The following VPS35L variants were observed in gnomAD, a reference collection of about 807,000 sequenced individuals.
The protein encoded by VPS35L is VPS35 endosomal protein sorting factor like.
A neutral mutation model predicts 133.0 loss-of-function variants in VPS35L; 83 were observed. The observed-to-expected ratio is 0.62, with a 90% CI of 0.52 to 0.75. VPS35L has a LOEUF of 0.75. VPS35L is among the 30% of genes least tolerant of loss of function. The probability of loss-of-function intolerance (pLI) is 0.00; values close to 1 mark genes in which losing one functional copy is unlikely to be tolerated. For synonymous variants in VPS35L, 423 were observed against 449.9 expected, an observed-to-expected ratio of 0.94 and a Z score of 0.76; for missense variants, 1,083 against 1,206.8, an observed-to-expected ratio of 0.90 and a Z score of 1.52.
chr16:19,666,927 T>TCTTTCTTTCTTTCTTCCTTC (rs1974699235), intron 26 of VPS35L, among the ~76,000 whole-genome samples: 2 of 62,940 alleles, frequency 3.2e-5, no homozygotes, highest in African/African-American at 1.5e-4. Context: ...TTTCTTTCTT[T>TCTTTCTTTCTTTCTTCCTTC]CTTTCTTCCT....
intron 9 of VPS35L, among the ~76,000 whole-genome samples, chr16:19,606,445 A>G (rs1240526531): frequency 1.3e-5 from 2 of 152,192 alleles, no homozygotes; most frequent in African/African-American, 4.8e-5. Context: ...TGGAAAGGGG[A>G]AAATGGTCAT....
At chr16:19,663,015 GATAATA>G (rs1157465508) in intron 26 of VPS35L, among the ~76,000 whole-genome samples, 1 of 151,734 alleles carries the variant, frequency 6.6e-6, no homozygotes, top group Admixed American at 6.6e-5. Flanking sequence ...TAATTATAAT[GATAATA>G]ATAATAGGCC....
intron 27 of VPS35L, among the ~76,000 whole-genome samples, chr16:19,677,283 C>G (rs895523496): frequency 1.3e-5 from 2 of 152,006 alleles, no homozygotes; most frequent in Non-Finnish European, 2.9e-5. Context: ...TGGGGTTTCA[C>G]CATCTTGGCC....
At chr16:19,616,616 A>T in intron 13 of VPS35L, 70 bp from the exon 14 acceptor site, 5 of 1,554,724 alleles carry the variant, frequency 3.2e-6, no homozygotes, top group Non-Finnish European at 4.4e-6. Flanking sequence ...ACAGTCTGTG[A>T]GTTGTGTATG....
At chr16:19,606,102 G>A (rs547160895) in intron 9 of VPS35L, among the ~76,000 whole-genome samples, 12 of 152,306 alleles carry the variant, frequency 7.9e-5, no homozygotes, top group Non-Finnish European at 1.3e-4. Context: ...GCAGATTGTC[G>A]TATAGCTTGT....
chr16:19,620,097 G>C (rs1703245462), intron 14 of VPS35L, among the ~76,000 whole-genome samples: 1 of 152,112 alleles, frequency 6.6e-6, no homozygotes, highest in Non-Finnish European at 1.5e-5. Context: ...AAAAAATCAA[G>C]GCATGTCTTA....
intron 24 of VPS35L, 26 bp downstream of exon 24, chr16:19,647,908 TTC>T (rs1421019544): frequency 2.6e-6 from 4 of 1,533,342 alleles, no homozygotes; most frequent in Non-Finnish European, 3.6e-6. Context: ...CATTAGTTTC[TTC>T]TCTCAGTAAA....
At chr16:19,669,637 G>T (rs62024103) in intron 27 of VPS35L, among the ~76,000 whole-genome samples, 1 of 151,088 alleles carries the variant, frequency 6.6e-6, no homozygotes, top group Admixed American at 6.6e-5. Context: ...CCACTTCCAG[G>T]TTGCAGACAA....
Position 19,644,900 on chromosome 16 carries a change from A to G in VPS35L, c.1880A>G (p.Glu627Gly), listed in dbSNP as rs1311068901. ...MHDSVNALTLEDEKRMLSYLI... is the reference protein window; with the variant it reads ...MHDSVNALTLGDEKRMLSYLI... ...ATTGATTTTAGTGCACTCACTCTTG[A>G]GGATGAGAAAAGAATGCTGTCATAT... Residue 627 changes from glutamate (E) to glycine (G), a missense_variant, in exon 23 of 31, where the codon GAG becomes GGG. Transcript: ENST00000417362. 1.2e-5 allele frequency: 19 copies of G among 1,600,944 alleles called. No individual in the cohort carries two copies. The highest frequency in any genetic ancestry group is 1.6e-5 in the Non-Finnish European group (19 of 1,169,006).
intron 8 of VPS35L, among the ~76,000 whole-genome samples, chr16:19,598,347 G>A (rs758045298): frequency 3.9e-5 from 6 of 152,168 alleles, no homozygotes; most frequent in Non-Finnish European, 7.3e-5. Flanking sequence ...ATCTCTTTTA[G>A]TGTCTTTGAT....
intron 6 of VPS35L, 58 bp downstream of exon 6, chr16:19,579,186 A>G (rs1281017856): frequency 2.0e-6 from 3 of 1,506,854 alleles, no homozygotes; most frequent in Non-Finnish European, 2.7e-6. Flanking sequence ...CCTCCTGCCA[A>G]GTGAGATCAA....
chr16:19,651,026 G>A (rs1011574561), intron 25 of VPS35L, among the ~76,000 whole-genome samples: 13 of 151,766 alleles, frequency 8.6e-5, no homozygotes, highest in African/African-American at 1.5e-4. Context: ...TTACAGACGC[G>A]TGCCACCATG....
chr16:19,693,091 C>T (rs1170842335), intron 29 of VPS35L, among the ~76,000 whole-genome samples: 2 of 152,170 alleles, frequency 1.3e-5, no homozygotes, highest in Non-Finnish European at 2.9e-5. Context: ...ACCCTGGGGA[C>T]CCCGAGCTGC....
At chr16:19,667,712 C>T (rs913667531) in intron 26 of VPS35L, among the ~76,000 whole-genome samples, 21 of 143,118 alleles carry the variant, frequency 1.5e-4, no homozygotes, top group Admixed American at 8.0e-4. Context: ...TCAGCCTGTG[C>T]GACAGAGCAA....
chr16:19,605,340 T>C (rs1597351783), intron 9 of VPS35L, among the ~76,000 whole-genome samples: 2 of 152,206 alleles, frequency 1.3e-5, no homozygotes, highest in Non-Finnish European at 2.9e-5. Flanking sequence ...TGAATTAATT[T>C]CCAGATTTTG....
intron 27 of VPS35L, among the ~76,000 whole-genome samples, chr16:19,670,993 G>A (rs1472669812): frequency 3.9e-5 from 6 of 152,164 alleles, no homozygotes; most frequent in African/African-American, 1.4e-4. Flanking sequence ...AGAAGATTGT[G>A]TATGTTCTTC....
chr16:19,596,783 C>T (rs1275963227), intron 8 of VPS35L, among the ~76,000 whole-genome samples: 1 of 150,916 alleles, frequency 6.6e-6, no homozygotes, highest in Non-Finnish European at 1.5e-5. Flanking sequence ...CTTTGGGAGG[C>T]CAAGGCGGGC....
intron 26 of VPS35L, among the ~76,000 whole-genome samples, chr16:19,654,790 C>A (rs1365530680): frequency 6.6e-6 from 1 of 152,140 alleles, no homozygotes; most frequent in Non-Finnish European, 1.5e-5. Flanking sequence ...GCTGCAGATA[C>A]CAAAGCTATG....
At chr16:19,696,737 A>C (rs138455544) in intron 29 of VPS35L, among the ~76,000 whole-genome samples, 3 of 152,258 alleles carry the variant, frequency 2.0e-5, no homozygotes, top group African/African-American at 7.2e-5. Flanking sequence ...TGGCATTTAA[A>C]ACACATGCGA....
Sources: gnomAD v4.1 joint callset for allele counts (sites outside exome capture counted in the v4.1 genomes callset) on GRCh38, gnomAD v4.1.1 for gene constraint, MANE v1.5 for transcripts, NCBI Gene and HGNC (gene_info 2026-07-23, HGNC 2026-07-21) for gene names.